Variants in LRRC75B observed in about 807,000 individuals in gnomAD.
LRRC75B encodes the protein leucine-rich repeat-containing protein 75B.
Under a neutral mutation model 16.5 loss-of-function variants are expected in LRRC75B, and 20 were observed. That is an observed-to-expected ratio of 1.21 (90% CI 0.85 to 1.76). The LOEUF is 1.76. Ranked by LOEUF, LRRC75B falls within the 40% of genes most tolerant of loss-of-function variation. The probability of loss-of-function intolerance (pLI) is 0.00; values close to 1 mark genes in which losing one functional copy is unlikely to be tolerated. For synonymous variants in LRRC75B, 199 were observed against 198.1 expected (o/e 1.00, Z -0.04); for missense variants, 406 against 417.0 (o/e 0.97, Z 0.23).
rs905363720 is a variant in LRRC75B at position 24,585,834 on chromosome 22, A to G, written c.*52T>C. 3.4e-6 allele frequency: 5 copies of G among 1,478,698 alleles called. No individual in the cohort carries two copies. The highest frequency in any genetic ancestry group is 1.3e-5 in the South Asian group (1 of 76,360). The allele number at this position is 1,478,698 out of a possible 1,614,324, so 91.6% of individuals were successfully genotyped here. A position where few individuals can be genotyped will look rare whatever the true frequency, so the allele number is the denominator to read the frequency against. ...TCCTTGACCTTCATCGCCCACTATCATGTGCTTGAGAGCATCACAAGTCAG... is the reference window on the plus strand; with the variant it reads ...TCCTTGACCTTCATCGCCCACTATCGTGTGCTTGAGAGCATCACAAGTCAG... On this transcript the variant is annotated 3_prime_UTR_variant, in exon 4 of 4. Transcript: ENST00000318753.
rs1203999119 is a variant in LRRC75B, at chr22:24,593,030, G to C, written c.10C>G (p.Arg4Gly). The change falls in exon 1 of 4, where the codon CGG (arginine) becomes GGG (glycine). Residue 4 changes from arginine to glycine, a missense_variant. By Grantham distance (125) the Arg-to-Gly change is moderately radical (BLOSUM62 -2). Coordinates refer to ENST00000318753, the MANE Select transcript of LRRC75B (RefSeq NM_207644.3). MGA[R>G]LGRRAGPEAG... The stretch of plus-strand genomic sequence containing the variant: ...TCGGGCCCGGCCCGCCGGCCCAGCC[G>C]CGCCCCCATGGCCGCCGCGCGATGG... 1 of 1,055,776 alleles carries C rather than the reference G, an allele frequency of 9.5e-7. No individual in the cohort carries two copies. Among genetic ancestry groups the C allele is most frequent in the African/African-American group, 1.7e-5 (1 of 58,836 alleles). 65.4% of individuals were successfully genotyped at this position (1,055,776 alleles called of 1,614,324 possible).
chr22:24,587,621 G>A (rs1291716256), intron 3 of LRRC75B, among the ~76,000 whole-genome samples: 2 of 152,186 alleles, frequency 1.3e-5, no homozygotes, highest in Non-Finnish European at 2.9e-5. Context: ...CTGAGCCTGT[G>A]TGTGAGGCTC....
At chr22:24,589,739 C>T (rs747582140) in intron 2 of LRRC75B, 82 bp downstream of exon 2, 199 of 1,453,314 alleles carry the variant, frequency 1.4e-4, no homozygotes, top group Non-Finnish European at 1.3e-4. Context: ...AGGACCTAGC[C>T]TCCCAGTCCC....
At chr22:24,588,354 G>C (rs111303493) in intron 2 of LRRC75B, 25 bp from the exon 3 acceptor site, 1 of 1,571,922 alleles carries the variant, frequency 6.4e-7, no homozygotes, top group East Asian at 2.2e-5. Flanking sequence ...TGTCACCATG[G>C]TGAATCTGAG....
intron 3 of LRRC75B, among the ~76,000 whole-genome samples, chr22:24,587,520 G>A: frequency 6.6e-6 from 1 of 152,236 alleles, no homozygotes; most frequent in East Asian, 1.9e-4. Context: ...AGGTGGGACA[G>A]GGGTGGAGGG....
In LRRC75B at chr22:24,585,811, C is replaced by T; in HGVS notation, c.*75G>A. 3 of 1,393,366 alleles carry T rather than the reference C, an allele frequency of 2.2e-6. No individual in the cohort carries two copies. The highest frequency in any genetic ancestry group is 2.9e-6 in the Non-Finnish European group (3 of 1,048,046). 86.3% of individuals were successfully genotyped at this position (1,393,366 alleles called of 1,614,324 possible). A position where few individuals can be genotyped will look rare whatever the true frequency, so the allele number is the denominator to read the frequency against. The stretch of plus-strand genomic sequence containing the variant: ...GATTTCTGGGGGCCTGTGAGTCCTC[C>T]TTGACCTTCATCGCCCACTATCATG... On this transcript the variant is annotated 3_prime_UTR_variant, in exon 4 of 4. Coordinates refer to ENST00000318753, the MANE Select transcript of LRRC75B (RefSeq NM_207644.3).
At chr22:24,590,108 C>T (rs2045524714) in intron 1 of LRRC75B, among the ~76,000 whole-genome samples, 159 bp from the exon 2 acceptor site, 1 of 152,206 alleles carries the variant, frequency 6.6e-6, no homozygotes, top group South Asian at 2.1e-4. Flanking sequence ...GCCAACAGTC[C>T]AGTGGCGGGT....
chr22:24,586,377 C>A lies in LRRC75B; in HGVS notation c.457G>T (p.Gly153Trp). ...KSSLQKTLLA[G>W]ETVDLSGIPL... ...ATGCCTGAGAGGTCCACAGTCTCCC[C>A]TGCCAGCAGAGTCTTCTGGAGGCTG... The change falls in exon 4 of 4, where the codon GGG becomes TGG. Residue 153 changes from glycine (G) to tryptophan (W), a missense_variant. Transcript: ENST00000318753. The A allele has an allele frequency of 6.2e-7, 1 of 1,613,670 alleles. No homozygotes were observed. The highest frequency in any genetic ancestry group is 8.5e-7 in the Non-Finnish European group (1 of 1,179,918).
At chr22:24,592,759 C>T (rs2045609740) in intron 1 of LRRC75B, 104 bp downstream of exon 1, 2 of 1,275,618 alleles carry the variant, frequency 1.6e-6, no homozygotes, top group South Asian at 1.7e-5. Flanking sequence ...CCTCGCCTCC[C>T]GGCGGATACA....
chr22:24,588,747 T>C, intron 2 of LRRC75B: 2 of 1,046,322 alleles, frequency 1.9e-6, no homozygotes, highest in Non-Finnish European at 2.3e-6. Flanking sequence ...TCCCAGGGAG[T>C]AGGAACAAGC....
intron 2 of LRRC75B, chr22:24,588,705 C>G (rs2147158620): frequency 9.2e-7 from 1 of 1,081,838 alleles, no homozygotes; most frequent in East Asian, 6.5e-5. Flanking sequence ...CAGACCAGGC[C>G]CCTCGAGGGA....
At chr22:24,586,801 G>A (rs2045409281) in intron 3 of LRRC75B, among the ~76,000 whole-genome samples, 1 of 152,246 alleles carries the variant, frequency 6.6e-6, no homozygotes, top group African/African-American at 2.4e-5. Flanking sequence ...AAAGTGCTGG[G>A]ATTACAGGCG....
In LRRC75B at chr22:24,588,240, G is replaced by C; in HGVS notation, c.396C>G (p.Ser132Arg). 1 of 1,613,380 alleles carries C rather than the reference G, an allele frequency of 6.2e-7. No homozygotes were observed. Among genetic ancestry groups the C allele is most frequent in the Middle Eastern group, 1.7e-4 (1 of 5,996 alleles). Residue 132 changes from serine (S) to arginine (R), a missense_variant, in exon 3 of 4, where the codon AGC (serine) becomes AGG (arginine). Ser to Arg is a moderately radical substitution (Grantham distance 110). Transcript: ENST00000318753. ...TPHSKQQQGS[S>R]LRQRKTQSCL... ...AGCTCTGGGTCTTCCTCTGGCGCAG[G>C]CTGGACCCTTGCTGCTGCTTCGAGT...
chr22:24,590,979 C>G (rs1601596483), intron 1 of LRRC75B, among the ~76,000 whole-genome samples: 1 of 152,232 alleles, frequency 6.6e-6, no homozygotes, highest in East Asian at 1.9e-4. Flanking sequence ...ATCCCTCACC[C>G]CACCGCCTGC....
intron 1 of LRRC75B, among the ~76,000 whole-genome samples, chr22:24,592,031 T>C (rs1337483758): frequency 6.6e-6 from 1 of 152,194 alleles, no homozygotes; most frequent in East Asian, 1.9e-4. Flanking sequence ...GTTTCCCCAT[T>C]TCTAATCTAC....
intron 3 of LRRC75B, 90 bp downstream of exon 3, chr22:24,588,124 G>A: frequency 1.9e-6 from 2 of 1,037,828 alleles, no homozygotes; most frequent in South Asian, 2.8e-5. Context: ...TGGGATTTCA[G>A]CACCAGCCTC....
At chr22:24,589,250 A>C (rs1292167303) in intron 2 of LRRC75B, 12 of 1,269,360 alleles carry the variant, frequency 9.5e-6, no homozygotes, top group Non-Finnish European at 1.2e-5. Flanking sequence ...TGCTGTCAGC[A>C]TGGGGTTCTG....
rs757151379 is a variant in LRRC75B at position 24,586,057 on chromosome 22, C to T, written c.777G>A (p.Leu259=). 1.9e-6 allele frequency: 3 copies of T among 1,611,958 alleles called. No individual in the cohort carries two copies. Among genetic ancestry groups the T allele is most frequent in the South Asian group, 1.1e-5 (1 of 91,086 alleles). ...NVDVASLPQP[L]LVGLRRRLSQ... ...TCAGCCGCCGGCGCAGGCCGACCAG[C>T]AGGGGCTGGGGCAGGGAAGCCACAT... The change falls in exon 4 of 4, where the codon CTG becomes CTA. Residue 259 remains leucine (L), a synonymous_variant. Transcript: ENST00000318753.
chr22:24,589,121 C>T, intron 2 of LRRC75B: 1 of 1,122,204 alleles, frequency 8.9e-7, no homozygotes, highest in African/African-American at 1.7e-5. Context: ...TGGCAGGGCC[C>T]AGAGCGGATA....
Sources: gnomAD v4.1 joint callset for allele counts (sites outside exome capture counted in the v4.1 genomes callset) on GRCh38, gnomAD v4.1.1 for gene constraint, MANE v1.5 for transcripts, NCBI Gene and HGNC (gene_info 2026-07-23, HGNC 2026-07-21) for gene names.